Variants in NRP1 observed in about 807,000 individuals in gnomAD.
NRP1 encodes the protein neuropilin 1, also known as neuropilin-1.
In NRP1, 35 loss-of-function variants were observed where a neutral mutation model predicts 106.7. The ratio of observed to expected loss-of-function variants is 0.33; its 90% confidence interval spans 0.25 to 0.43. The LOEUF (loss-of-function observed/expected upper bound fraction) is 0.43. Ranked by LOEUF, NRP1 falls within the 20% of genes least tolerant of loss-of-function variation. The pLI, the probability that NRP1 is intolerant of heterozygous loss-of-function variation, is 1.00. For synonymous variants in NRP1, 437 were observed against 417.9 expected, an observed-to-expected ratio of 1.05 and a Z score of -0.56; for missense variants, 1,024 against 1,170.4, an observed-to-expected ratio of 0.87 and a Z score of 1.83.
At chr10:33,204,907 T>C (rs901286427) in intron 10 of NRP1, among the ~76,000 whole-genome samples, 1 of 152,018 alleles carries the variant, frequency 6.6e-6, no homozygotes, top group African/African-American at 2.4e-5. Context: ...AATTTTTGTA[T>C]TTTTAGTAGA....
intron 2 of NRP1, among the ~76,000 whole-genome samples, chr10:33,293,390 T>C (rs960984814): frequency 1.3e-5 from 2 of 152,194 alleles, no homozygotes; most frequent in African/African-American, 4.8e-5. Context: ...ATCTTTATAA[T>C]GGGGATGGTA....
At chr10:33,208,884 C>G (rs1342334033) in intron 9 of NRP1, among the ~76,000 whole-genome samples, 1 of 148,716 alleles carries the variant, frequency 6.7e-6, no homozygotes, top group Non-Finnish European at 1.5e-5. Flanking sequence ...ATAAAATGGT[C>G]CATTTTAGAG....
intron 9 of NRP1, among the ~76,000 whole-genome samples, chr10:33,209,299 T>C (rs1039632064): frequency 1.3e-5 from 2 of 152,224 alleles, no homozygotes; most frequent in Non-Finnish European, 2.9e-5. Context: ...TTCTGTATTA[T>C]GGTCCTTTTA....
chr10:33,254,006 G>C, intron 6 of NRP1, 22 bp downstream of exon 6: 1 of 1,588,122 alleles, frequency 6.3e-7, no homozygotes, highest in Non-Finnish European at 8.5e-7. Flanking sequence ...ATCCTAGATA[G>C]GCTTGATCTT....
At chr10:33,200,714 A>G (rs914583859) in intron 11 of NRP1, among the ~76,000 whole-genome samples, 4 of 152,216 alleles carry the variant, frequency 2.6e-5, no homozygotes, top group African/African-American at 9.6e-5. Context: ...AGCATAGGAG[A>G]TGTGTAGTTT....
chr10:33,298,776 G>T (rs547797070), intron 2 of NRP1, among the ~76,000 whole-genome samples: 1 of 152,150 alleles, frequency 6.6e-6, no homozygotes, highest in Non-Finnish European at 1.5e-5. Flanking sequence ...TGTACTTGTG[G>T]CGATTAAAGA....
At chr10:33,231,509 T>C (rs1444483212) in intron 6 of NRP1, among the ~76,000 whole-genome samples, 3 of 152,058 alleles carry the variant, frequency 2.0e-5, no homozygotes, top group Non-Finnish European at 4.4e-5. Context: ...TATAATGGAG[T>C]TTTATAGACG....
intron 2 of NRP1, among the ~76,000 whole-genome samples, chr10:33,290,746 C>A (rs928582225): frequency 6.6e-6 from 1 of 152,070 alleles, no homozygotes; most frequent in Non-Finnish European, 1.5e-5. Flanking sequence ...AAACGAGATA[C>A]CAGAGTCACT....
At chr10:33,276,840 C>T (rs926188093) in intron 2 of NRP1, among the ~76,000 whole-genome samples, 7 of 152,094 alleles carry the variant, frequency 4.6e-5, no homozygotes, top group African/African-American at 1.4e-4. Context: ...GAAAGGACTA[C>T]AAGAAATAAG....
chr10:33,254,097 C>A lies in NRP1; in HGVS notation c.912G>T (p.Glu304Asp). ...TCTCAGGGTAGTTCAGGCGGGAGCG[C>A]TCTGCAGACCAGTTGGTGCTATACT... ...SSQYSTNWSA[E>D]RSRLNYPENG... Residue 304 changes from glutamate to aspartate, a missense_variant, in exon 6 of 17, where the codon GAG (glutamate) becomes GAT (aspartate). This residue lies in a region of NRP1 where 562 missense variants were observed against 620.3 expected (regional missense o/e 0.91). Coordinates refer to ENST00000374867, the MANE Select transcript of NRP1 (RefSeq NM_003873.7). 6.2e-7 allele frequency: 1 copy of A among 1,614,038 alleles called. No individual in the cohort carries two copies. Among genetic ancestry groups the A allele is most frequent in the South Asian group, 1.1e-5 (1 of 91,068 alleles).
chr10:33,319,844 C>T (rs533899752), intron 2 of NRP1, among the ~76,000 whole-genome samples: 305 of 151,564 alleles, frequency 2.0e-3, no homozygotes, highest in Non-Finnish European at 3.4e-3. Context: ...CCTCCGCCTC[C>T]CAAAGTGCTG....
chr10:33,208,110 G>C (rs753014098), intron 9 of NRP1, among the ~76,000 whole-genome samples: 3 of 152,128 alleles, frequency 2.0e-5, no homozygotes, highest in Non-Finnish European at 4.4e-5. Flanking sequence ...ATTTTTTGCA[G>C]AGTTGGGGTT....
chr10:33,207,794 T>C, intron 9 of NRP1, 78 bp from the exon 10 acceptor site: 19 of 1,507,598 alleles, frequency 1.3e-5, no homozygotes, highest in Non-Finnish European at 1.7e-5. Context: ...TCTTCCCTCC[T>C]TCAGGACTCT....
At chr10:33,216,043 G>A (rs984927957) in intron 8 of NRP1, among the ~76,000 whole-genome samples, 5 of 151,798 alleles carry the variant, frequency 3.3e-5, no homozygotes, top group Non-Finnish European at 7.4e-5. Flanking sequence ...ATGCCACATC[G>A]TTTACTCAGT....
chr10:33,295,494 G>A (rs1168805444), intron 2 of NRP1, among the ~76,000 whole-genome samples: 1 of 152,158 alleles, frequency 6.6e-6, no homozygotes, highest in Non-Finnish European at 1.5e-5. Flanking sequence ...GACTGCTTGA[G>A]TACAGGAGTT....
rs200964334 is a variant in NRP1 at position 33,206,252 on chromosome 10, G to A, written c.1759+1320C>T. 79 of 518,990 alleles carry A rather than the reference G, an allele frequency of 1.5e-4. No individual in the cohort carries two copies. The Middle Eastern group carries it at 2.5e-3, about 17-fold the overall frequency. The allele number at this position is 518,990 out of a possible 1,614,324, so 32.1% of individuals were successfully genotyped here. A position where few individuals can be genotyped will look rare whatever the true frequency, so the allele number is the denominator to read the frequency against. ...GACCACATTTCTCCGTGAATTGAACGAACGCATCTGCAGTGAGTGGAGTCT... is the reference window on the plus strand; with the variant it reads ...GACCACATTTCTCCGTGAATTGAACAAACGCATCTGCAGTGAGTGGAGTCT... On this transcript the variant is annotated intron_variant, in intron 10 of 16. Coordinates refer to ENST00000374867, the MANE Select transcript of NRP1 (RefSeq NM_003873.7).
intron 2 of NRP1, among the ~76,000 whole-genome samples, chr10:33,307,547 C>G (rs1033586713): frequency 2.6e-4 from 40 of 152,142 alleles, no homozygotes; most frequent in African/African-American, 9.4e-4. Context: ...CCCCAACCTC[C>G]CCTACCTCCA....
chr10:33,186,032 T>A (rs1379322466), intron 14 of NRP1, among the ~76,000 whole-genome samples, 185 bp downstream of exon 14: 2 of 152,224 alleles, frequency 1.3e-5, no homozygotes, highest in Non-Finnish European at 1.5e-5. Flanking sequence ...TTGGTTCTAT[T>A]CCTGCAATCT....
intron 8 of NRP1, among the ~76,000 whole-genome samples, chr10:33,215,445 T>G (rs1246362602): frequency 6.6e-6 from 1 of 152,222 alleles, no homozygotes; most frequent in African/African-American, 2.4e-5. Context: ...TTATGTCTTC[T>G]AAAGCAGCCC....
Sources: allele counts gnomAD v4.1 joint callset (sites outside exome capture counted in the v4.1 genomes callset), GRCh38; gene constraint gnomAD v4.1.1; regional missense constraint gnomAD v4.1.1; transcripts MANE v1.5; gene names NCBI Gene and HGNC (gene_info 2026-07-23, HGNC 2026-07-21).